Variants in CACNA2D3 observed in about 807,000 individuals in gnomAD.
CACNA2D3 encodes voltage-dependent calcium channel subunit alpha-2/delta-3.
A neutral mutation model predicts 160.6 loss-of-function variants in CACNA2D3; 60 were observed. The observed-to-expected ratio is 0.37, with a 90% CI of 0.30 to 0.46. The LOEUF (loss-of-function observed/expected upper bound fraction) is 0.46, where lower values mean the gene tolerates loss of function less well. CACNA2D3 is among the 20% of genes least tolerant of loss of function. The probability of loss-of-function intolerance (pLI) is 1.00; values close to 1 mark genes in which losing one functional copy is unlikely to be tolerated. For missense variants in CACNA2D3, 1,205 were observed against 1,365.0 expected (o/e 0.88, Z 1.85); for synonymous variants, 558 against 492.9 (o/e 1.13, Z -1.75).
chr3:54,532,484 AT>A (rs1224337309), intron 5 of CACNA2D3, among the ~76,000 whole-genome samples: 1 of 152,166 alleles, frequency 6.6e-6, no homozygotes, highest in East Asian at 1.9e-4. Flanking sequence ...TACCATATCT[AT>A]TATTTCATTC....
chr3:54,403,356 AACACACACACACAC>A (rs55779518), intron 4 of CACNA2D3, among the ~76,000 whole-genome samples: 46 of 137,700 alleles, frequency 3.3e-4, no homozygotes, highest in African/African-American at 9.6e-4. Flanking sequence ...CCCTATCTCA[AACACACACACACAC>A]ACACACACAC....
At chr3:54,439,882 T>C (rs369515163) in intron 4 of CACNA2D3, among the ~76,000 whole-genome samples, 1 of 152,196 alleles carries the variant, frequency 6.6e-6, no homozygotes, top group African/African-American at 2.4e-5. Flanking sequence ...TCTGCAGTGC[T>C]TCTCCAATGT....
chr3:55,006,600 C>T (rs1349748105), intron 32 of CACNA2D3, among the ~76,000 whole-genome samples: 1 of 152,188 alleles, frequency 6.6e-6, no homozygotes, highest in Non-Finnish European at 1.5e-5. Flanking sequence ...CGGCCCAGAA[C>T]ACTGTGATTC....
chr3:54,414,637 A>G (rs550719912), intron 4 of CACNA2D3, among the ~76,000 whole-genome samples: 210 of 152,000 alleles, frequency 1.4e-3, no homozygotes, highest in African/African-American at 4.9e-3. Context: ...AAACTCCTAT[A>G]TCTTTTCCCC....
At chr3:54,512,376 G>C (rs533816600) in intron 5 of CACNA2D3, among the ~76,000 whole-genome samples, 1 of 152,328 alleles carries the variant, frequency 6.6e-6, no homozygotes, top group East Asian at 1.9e-4. Flanking sequence ...CGGATATTAA[G>C]CATTTCAGAC....
chr3:54,885,081 G>A (rs1323110349), intron 21 of CACNA2D3, among the ~76,000 whole-genome samples, 200 bp from the exon 22 acceptor site: 1 of 152,120 alleles, frequency 6.6e-6, no homozygotes. Flanking sequence ...GCTGAGTGAG[G>A]TAGAGATGGG....
intron 5 of CACNA2D3, among the ~76,000 whole-genome samples, chr3:54,530,300 G>A (rs1004181615): frequency 3.9e-5 from 6 of 152,148 alleles, no homozygotes; most frequent in Non-Finnish European, 7.3e-5. Context: ...CTCCTGGCCC[G>A]GCACTTGGTG....
chr3:54,863,124 G>A (rs1331004548), intron 17 of CACNA2D3, among the ~76,000 whole-genome samples: 1 of 152,180 alleles, frequency 6.6e-6, no homozygotes, highest in East Asian at 1.9e-4. Flanking sequence ...AAACTTTTAT[G>A]AACTTGGCTT....
chr3:55,061,848 A>G (rs1480889332), intron 35 of CACNA2D3, among the ~76,000 whole-genome samples: 1 of 152,214 alleles, frequency 6.6e-6, no homozygotes, highest in Non-Finnish European at 1.5e-5. Context: ...GGACAGGACT[A>G]GCTCCTCAGA....
At chr3:54,252,132 T>C (rs374648510) in intron 2 of CACNA2D3, among the ~76,000 whole-genome samples, 88 of 139,108 alleles carry the variant, frequency 6.3e-4, no homozygotes, top group African/African-American at 2.4e-3. Flanking sequence ...ACTCTCCGTC[T>C]CTCCCATTCC....
chr3:54,513,096 T>A (rs978349504), intron 5 of CACNA2D3, among the ~76,000 whole-genome samples: 19 of 152,158 alleles, frequency 1.2e-4, no homozygotes, highest in African/African-American at 4.6e-4. Flanking sequence ...ACATGGGAAT[T>A]CAAGATGAGA....
At chr3:54,315,944 A>T (rs1455231931) in intron 2 of CACNA2D3, among the ~76,000 whole-genome samples, 1 of 152,190 alleles carries the variant, frequency 6.6e-6, no homozygotes, top group Non-Finnish European at 1.5e-5. Flanking sequence ...ATATTTTTGA[A>T]TGTGAAATAG....
At chr3:55,047,764 CT>C (rs1328870652) in intron 35 of CACNA2D3, among the ~76,000 whole-genome samples, 24 of 91,288 alleles carry the variant, frequency 2.6e-4, no homozygotes, top group African/African-American at 9.8e-4. Context: ...TTTGTATCCT[CT>C]TTTATTTCCT....
chr3:54,712,161 T>G (rs556371942), intron 11 of CACNA2D3, among the ~76,000 whole-genome samples: 3 of 152,338 alleles, frequency 2.0e-5, no homozygotes, highest in African/African-American at 7.2e-5. Flanking sequence ...GATTATCATC[T>G]TGATAAAGCC....
chr3:54,800,557 A>T (rs777324603), intron 13 of CACNA2D3, among the ~76,000 whole-genome samples: 3 of 152,202 alleles, frequency 2.0e-5, no homozygotes, highest in Admixed American at 6.5e-5. Flanking sequence ...AATTTTCAGG[A>T]CATTATAATG....
chr3:54,290,416 CT>C (rs1380908527), intron 2 of CACNA2D3, among the ~76,000 whole-genome samples: 1 of 152,116 alleles, frequency 6.6e-6, no homozygotes, highest in Non-Finnish European at 1.5e-5. Context: ...ACAACAGGTG[CT>C]GGAGAGGATG....
chr3:54,168,452 T>C (rs1176959118), intron 2 of CACNA2D3, among the ~76,000 whole-genome samples: 1 of 152,044 alleles, frequency 6.6e-6, no homozygotes, highest in Non-Finnish European at 1.5e-5. Context: ...TAAGTTAGGG[T>C]GATTTTAGGG....
At chr3:54,919,618 C>T (rs946916165) in intron 27 of CACNA2D3, among the ~76,000 whole-genome samples, 6 of 152,206 alleles carry the variant, frequency 3.9e-5, no homozygotes, top group East Asian at 1.9e-4. Context: ...TTTGGGTGGT[C>T]GGTCATTCTT....
At chr3:54,403,561 T>C (rs967239461) in intron 4 of CACNA2D3, among the ~76,000 whole-genome samples, 6 of 152,032 alleles carry the variant, frequency 3.9e-5, no homozygotes, top group Admixed American at 3.9e-4. Flanking sequence ...AGATTTTAAA[T>C]AAGTAGCCCA....
Sources: allele counts gnomAD v4.1 joint callset (sites outside exome capture counted in the v4.1 genomes callset), GRCh38; gene constraint gnomAD v4.1.1; transcripts MANE v1.5; gene names NCBI Gene and HGNC (gene_info 2026-07-23, HGNC 2026-07-21).